Variants in WDR26 observed in about 807,000 individuals in gnomAD.
WDR26 encodes WD repeat-containing protein 26.
A neutral mutation model predicts 84.1 loss-of-function variants in WDR26; 5 were observed. The observed-to-expected ratio is 0.06, with a 90% CI of 0.03 to 0.13. WDR26 has a LOEUF of 0.13. WDR26 is among the 10% of genes least tolerant of loss of function. The pLI is 1.00. For synonymous variants in WDR26, 415 were observed against 389.6 expected, an observed-to-expected ratio of 1.07 and a Z score of -0.77; for missense variants, 642 against 974.9, an observed-to-expected ratio of 0.66 and a Z score of 4.55.
chr1:224,434,020 G>T lies in WDR26; in HGVS notation c.386C>A (p.Thr129Asn), dbSNP rs1179404418. 1.3e-6 allele frequency: 2 copies of T among 1,495,022 alleles called. No homozygotes were observed. Among genetic ancestry groups the T allele is most frequent in the East Asian group, 2.5e-5 (1 of 40,470 alleles). 92.6% of individuals were successfully genotyped at this position (1,495,022 alleles called of 1,614,324 possible). ...GGCCGACAAGCAGGCGAGTTCCGGG[G>T]TCTGTCCCTGGCCCCCGCCGCCCCC... The change falls in exon 1 of 14, where the codon ACC becomes AAC. Residue 129 changes from threonine to asparagine, a missense_variant. Physicochemically the swap from Thr to Asn is moderately conservative, Grantham distance 65 (BLOSUM62 0). This residue lies in a region of WDR26 where 291 missense variants were observed against 302.1 expected (regional missense o/e 0.96). Transcript: ENST00000414423.
rs1400824530 is a variant in WDR26 at position 224,404,529 on chromosome 1, A to T, written c.1500T>A (p.His500Gln). ...ATGCAATATAAGAAACGCCATAAGC[A>T]TGTCCTTCTAATGTTTTAAGCAGTT... The change falls in exon 8 of 14, where the codon CAT becomes CAA. Residue 500 changes from histidine to glutamine, a missense_variant. Transcript: ENST00000414423. 6.2e-7 allele frequency: 1 copy of T among 1,613,854 alleles called. No homozygotes were observed. Among genetic ancestry groups the T allele is most frequent in the Non-Finnish European group, 8.5e-7 (1 of 1,179,918 alleles).
chr1:224,424,559 C>T lies in WDR26; in HGVS notation c.1023G>A (p.Thr341=), dbSNP rs776263058. ...TGCGCTCTGTATTGTATTTCAGCGG[C>T]GTCAATTCACAGCGTAGAACTTGAA... Residue 341 remains threonine (T), a synonymous_variant, in exon 4 of 14, where the codon ACG becomes ACA. Transcript: ENST00000414423. The T allele has an allele frequency of 4.3e-6, 7 of 1,613,930 alleles. No homozygotes were observed. Among genetic ancestry groups the T allele is most frequent in the African/African-American group, 2.7e-5 (2 of 74,902 alleles).
intron 4 of WDR26, among the ~76,000 whole-genome samples, chr1:224,421,657 T>G (rs1180571694): frequency 2.0e-5 from 3 of 152,130 alleles, no homozygotes; most frequent in African/African-American, 7.2e-5. Context: ...AGGCCAGGTG[T>G]GGTGGCTTGT....
intron 12 of WDR26, among the ~76,000 whole-genome samples, chr1:224,395,485 G>A (rs897304421): frequency 1.3e-5 from 2 of 151,964 alleles, no homozygotes; most frequent in African/African-American, 4.8e-5. Flanking sequence ...AACTTTTTGT[G>A]TGTGTATGTG....
chr1:224,433,668 G>T lies in WDR26; in HGVS notation c.722+16C>A, dbSNP rs1403821065. 8.2e-7 allele frequency: 1 copy of T among 1,221,108 alleles called. No individual in the cohort carries two copies. 75.6% of individuals were successfully genotyped at this position (1,221,108 alleles called of 1,614,324 possible). A position where few individuals can be genotyped will look rare whatever the true frequency, so the allele number is the denominator to read the frequency against. On this transcript the variant is annotated intron_variant, in intron 1 of 13. Transcript: ENST00000414423. ...CTCGGTCTGTCCATCACCAGCTGGCGGTAAGGGATACTTACTTGAGCCCTA... is the reference window on the plus strand; with the variant it reads ...CTCGGTCTGTCCATCACCAGCTGGCTGTAAGGGATACTTACTTGAGCCCTA...
intron 7 of WDR26, among the ~76,000 whole-genome samples, chr1:224,407,143 A>G (rs1383005329): frequency 1.2e-4 from 4 of 32,002 alleles, no homozygotes; most frequent in East Asian, 1.5e-3. Context: ...AAAAAAAAAA[A>G]AAAAAAAAAT....
intron 8 of WDR26, among the ~76,000 whole-genome samples, chr1:224,403,640 A>G (rs1673477552): frequency 6.6e-6 from 1 of 152,198 alleles, no homozygotes; most frequent in Non-Finnish European, 1.5e-5. Flanking sequence ...AAATTTTCAT[A>G]TATAAACAGC....
At chr1:224,398,811 C>A in intron 10 of WDR26, 78 bp downstream of exon 10, 1 of 1,565,464 alleles carries the variant, frequency 6.4e-7, no homozygotes, top group Non-Finnish European at 8.7e-7. Flanking sequence ...AACATAAAAA[C>A]TGTGAAAAGG....
Position 224,389,874 on chromosome 1 carries a change from A to G in WDR26, c.2261-14T>C. 8 of 617,754 alleles carry G rather than the reference A, an allele frequency of 1.3e-5. 1 individual carries two copies. The highest frequency in any genetic ancestry group is 2.0e-5 in the Non-Finnish European group (8 of 402,922). The allele number at this position is 617,754 out of a possible 1,614,324, so 38.3% of individuals were successfully genotyped here. The stretch of plus-strand genomic sequence containing the variant: ...TACTGCATTCCTCTGAATGAAGACA[A>G]GATGAAATGTATGGGGGGCGGGCGG... On this transcript the variant is annotated splice_polypyrimidine_tract_variant and intron_variant, in intron 13 of 13. Coordinates refer to ENST00000414423, the MANE Select transcript of WDR26 (RefSeq NM_001379403.1).
intron 4 of WDR26, among the ~76,000 whole-genome samples, chr1:224,422,813 A>G (rs1572206305): frequency 6.6e-6 from 1 of 152,190 alleles, no homozygotes; most frequent in East Asian, 1.9e-4. Flanking sequence ...TAACTAGGCT[A>G]GAAACTGTGG....
Position 224,402,950 on chromosome 1 carries a change from T to C in WDR26, c.1599+1480A>G, listed in dbSNP as rs143183352. ...TTAGATATCATAATGTTTGAATAGG[T>C]AGAACGTTATTTTTTAAAAGATACA... On this transcript the variant is annotated intron_variant, in intron 8 of 13. Coordinates refer to ENST00000414423, the MANE Select transcript of WDR26 (RefSeq NM_001379403.1). Among the ~76,000 whole-genome samples, 166 of 152,298 alleles carry C rather than the reference T, an allele frequency of 1.1e-3. 1 individual carries two copies. Among genetic ancestry groups the C allele is most frequent in the African/African-American group, 3.8e-3 (160 of 41,568 alleles).
At chr1:224,390,837 A>G (rs1673104396) in intron 13 of WDR26, among the ~76,000 whole-genome samples, 1 of 152,218 alleles carries the variant, frequency 6.6e-6, no homozygotes. Context: ...GTGTACCCAC[A>G]GAATTATGCA....
chr1:224,419,865 G>C (rs972963230), intron 4 of WDR26, among the ~76,000 whole-genome samples: 1 of 68,816 alleles, frequency 1.5e-5, no homozygotes, highest in Non-Finnish European at 2.9e-5. Context: ...TTATATATAT[G>C]GCTCTTATTG....
Position 224,393,685 on chromosome 1 carries a change from G to T in WDR26, c.2260+143C>A, listed in dbSNP as rs1673183875. On this transcript the variant is annotated intron_variant, in intron 13 of 13. Transcript: ENST00000414423. ...TTACACTACTTAAACTCATTCTGTG[G>T]CCTGAGATAGGGTACAATATGTAAA... 3 of 615,002 alleles carry T rather than the reference G, an allele frequency of 4.9e-6. No homozygotes were observed. The East Asian group carries it at 9.2e-5, about 19-fold the overall frequency. The allele number at this position is 615,002 out of a possible 1,614,324, so 38.1% of individuals were successfully genotyped here.
At chr1:224,409,677 A>G (rs1673678957) in intron 7 of WDR26, among the ~76,000 whole-genome samples, 1 of 151,956 alleles carries the variant, frequency 6.6e-6, no homozygotes, top group South Asian at 2.1e-4. Context: ...CCTGGCCAAC[A>G]TGGTGAAACC....
intron 6 of WDR26, among the ~76,000 whole-genome samples, chr1:224,415,892 A>G (rs550544202): frequency 1.3e-5 from 2 of 152,360 alleles, no homozygotes; most frequent in African/African-American, 4.8e-5. Context: ...GTGCTATAGT[A>G]AGGTGAAGAT....
chr1:224,404,434 A>C lies in WDR26; in HGVS notation c.1595T>G (p.Val532Gly). 2.5e-6 allele frequency: 4 copies of C among 1,613,932 alleles called. No homozygotes were observed. Among genetic ancestry groups the C allele is most frequent in the Non-Finnish European group, 3.4e-6 (4 of 1,179,918 alleles). The stretch of plus-strand genomic sequence containing the variant: ...CCAAAGATGGAACTCGCTCACTTGT[A>C]CATTCCAAAGCCAAAGCTCAGAGCA... Residue 532 changes from valine to glycine, a missense_variant, in exon 8 of 14, where the codon GTA becomes GGA. Val to Gly is a moderately radical substitution (Grantham distance 109). This residue lies in a region of WDR26 where 351 missense variants were observed against 672.8 expected (regional missense o/e 0.52). Transcript: ENST00000414423.
chr1:224,433,842 G>C lies in WDR26; in HGVS notation c.564C>G (p.Ser188=). 1 of 1,536,884 alleles carries C rather than the reference G, an allele frequency of 6.5e-7. No individual in the cohort carries two copies. The highest frequency in any genetic ancestry group is 8.7e-7 in the Non-Finnish European group (1 of 1,146,774). Residue 188 remains serine, a synonymous_variant, in exon 1 of 14, where the codon TCC becomes TCG. Transcript: ENST00000414423. ...CGGAGGCAGCTGCGACGGTGGCTGA[G>C]GATGCGGCGGCCGCCCCGCCGGGAA...
chr1:224,429,020 T>G (rs1275730959), intron 3 of WDR26, among the ~76,000 whole-genome samples: 1 of 151,808 alleles, frequency 6.6e-6, no homozygotes, highest in African/African-American at 2.4e-5. Flanking sequence ...TCCCAGCACT[T>G]TGGAAGGCTG....
Sources: allele counts gnomAD v4.1 joint callset (sites outside exome capture counted in the v4.1 genomes callset), GRCh38; gene constraint gnomAD v4.1.1; regional missense constraint gnomAD v4.1.1; transcripts MANE v1.5; gene names NCBI Gene and HGNC (gene_info 2026-07-23, HGNC 2026-07-21).